MAST2: variants seen among roughly 807,000 people sequenced by gnomAD.
The protein encoded by MAST2 is microtubule-associated serine/threonine-protein kinase 2.
In MAST2, 70 loss-of-function variants were observed where a neutral mutation model predicts 147.4. The ratio of observed to expected loss-of-function variants is 0.47; its 90% CI spans 0.39 to 0.58. MAST2 has a LOEUF of 0.58. Ranked by LOEUF, MAST2 falls within the 20% of genes least tolerant of loss-of-function variation. The pLI is 0.00. For missense variants in MAST2, 2,080 were observed against 2,302.3 expected (o/e 0.90, Z 1.98); for synonymous variants, 869 against 896.8 (o/e 0.97, Z 0.55).
chr1:45,962,197 C>T (rs927416024), intron 5 of MAST2, among the ~76,000 whole-genome samples: 1 of 152,046 alleles, frequency 6.6e-6, no homozygotes, highest in African/African-American at 2.4e-5. Flanking sequence ...TGGTTCCAAG[C>T]CTTTGCTATT....
At chr1:45,818,934 G>A (rs551200385) in intron 1 of MAST2, among the ~76,000 whole-genome samples, 17 of 152,256 alleles carry the variant, frequency 1.1e-4, no homozygotes, top group African/African-American at 3.1e-4. Flanking sequence ...TTAAAATGAT[G>A]TATAATATAA....
intron 5 of MAST2, among the ~76,000 whole-genome samples, chr1:45,976,550 T>C (rs1212365784): frequency 6.6e-6 from 1 of 152,230 alleles, no homozygotes; most frequent in African/African-American, 2.4e-5. Flanking sequence ...AATCACATTG[T>C]TCTAGTGGTG....
intron 3 of MAST2, chr1:45,865,220 T>G: frequency 2.4e-6 from 1 of 417,694 alleles, no homozygotes; most frequent in Admixed American, 2.8e-5. Context: ...TGTTATAATG[T>G]ATTTAATTCA....
At position 46,035,731 on chromosome 1, in the gene MAST2, A is replaced by G; in HGVS notation, c.5062A>G (p.Asn1688Asp). ...GCTAGCCAACCTCCAGGATTTGGAAAACACAACTCCAGCCCAGCCTAAGAA... is the reference window on the plus strand; with the variant it reads ...GCTAGCCAACCTCCAGGATTTGGAAGACACAACTCCAGCCCAGCCTAAGAA... ...GGLANLQDLE[N>D]TTPAQPKNLS... Residue 1688 changes from asparagine to aspartate, a missense_variant, in exon 29 of 29, where the codon AAC becomes GAC. Physicochemically the swap from Asn to Asp is conservative, Grantham distance 23. Transcript: ENST00000361297. This position sits in a 1 kb window ranked among gnomAD's most constrained non-coding sequence, Gnocchi z 5.5. 1 of 1,614,008 alleles carries G rather than the reference A, an allele frequency of 6.2e-7. No individual in the cohort carries two copies. The highest frequency in any genetic ancestry group is 8.5e-7 in the Non-Finnish European group (1 of 1,180,020).
intron 4 of MAST2, among the ~76,000 whole-genome samples, chr1:45,953,899 A>G (rs557914336): frequency 3.9e-5 from 6 of 152,256 alleles, no homozygotes; most frequent in Non-Finnish European, 8.8e-5. Context: ...ACGTAATAAT[A>G]TCTCCCTTTA....
intron 5 of MAST2, among the ~76,000 whole-genome samples, chr1:45,984,461 C>G (rs1005143425): frequency 4.0e-5 from 6 of 151,886 alleles, no homozygotes; most frequent in Non-Finnish European, 7.4e-5. Flanking sequence ...CACCACCACA[C>G]CCAGCTAATA....
chr1:45,985,261 G>T (rs556839261), intron 5 of MAST2, among the ~76,000 whole-genome samples: 5 of 143,354 alleles, frequency 3.5e-5, no homozygotes, highest in South Asian at 2.2e-4. Flanking sequence ...GTGTGTGTGT[G>T]TTTTTTTTTT....
chr1:45,985,294 A>G (rs998034661), intron 5 of MAST2, among the ~76,000 whole-genome samples: 4 of 151,610 alleles, frequency 2.6e-5, no homozygotes, highest in Admixed American at 2.0e-4. Flanking sequence ...AGGTTTCACC[A>G]TGTTGGGCAG....
intron 4 of MAST2, among the ~76,000 whole-genome samples, chr1:45,898,155 A>T (rs1649079228): frequency 6.6e-6 from 1 of 152,080 alleles, no homozygotes; most frequent in African/African-American, 2.4e-5. Flanking sequence ...AAAAGAAAAA[A>T]TTATAGTAGT....
In MAST2 at chr1:45,824,588, T is replaced by C; in HGVS notation, c.325+8T>C. On this transcript the variant is annotated splice_region_variant and intron_variant, in intron 2 of 28. Transcript: ENST00000361297. ...TGGCCAGCTCTCTATCGGGTAAATA[T>C]CTGATTTTGTTGTTTTAAGAAATGT... is the stretch of plus-strand genomic sequence containing the variant. 6.4e-7 allele frequency: 1 copy of C among 1,572,746 alleles called. No homozygotes were observed. The highest frequency in any genetic ancestry group is 8.7e-7 in the Non-Finnish European group (1 of 1,155,556).
intron 4 of MAST2, among the ~76,000 whole-genome samples, chr1:45,894,721 GCC>G (rs987580985): frequency 1.3e-5 from 2 of 152,156 alleles, no homozygotes; most frequent in South Asian, 4.1e-4. Context: ...TCCGAGTTGT[GCC>G]CTTCATTAGT....
chr1:45,853,617 G>A (rs1471574086), intron 3 of MAST2, among the ~76,000 whole-genome samples: 1 of 152,108 alleles, frequency 6.6e-6, no homozygotes, highest in Non-Finnish European at 1.5e-5. Context: ...GCCTCCCAAA[G>A]TGGTGGGATT....
chr1:45,943,138 A>G (rs1439098024), intron 4 of MAST2, among the ~76,000 whole-genome samples: 1 of 152,226 alleles, frequency 6.6e-6, no homozygotes, highest in Non-Finnish European at 1.5e-5. Context: ...ATGCAAGAGA[A>G]TAGAGACATA....
At chr1:45,942,336 G>T (rs1657419965) in intron 4 of MAST2, among the ~76,000 whole-genome samples, 2 of 152,106 alleles carry the variant, frequency 1.3e-5, no homozygotes, top group Admixed American at 1.3e-4. Context: ...ATAAGACAAA[G>T]ACCACTTGTT....
intron 3 of MAST2, among the ~76,000 whole-genome samples, chr1:45,873,219 G>C (rs551136203): frequency 2.0e-5 from 3 of 150,648 alleles, no homozygotes; most frequent in African/African-American, 4.9e-5. Context: ...TTTGAGACAG[G>C]GTCTTGCTCT....
chr1:46,025,888 G>A, intron 16 of MAST2, 73 bp downstream of exon 16: 1 of 1,586,644 alleles, frequency 6.3e-7, no homozygotes, highest in Admixed American at 1.7e-5. Flanking sequence ...GGCAAGCACA[G>A]TAGCTCTAAA....
intron 4 of MAST2, among the ~76,000 whole-genome samples, chr1:45,903,642 A>T (rs1001723507): frequency 3.3e-5 from 5 of 152,112 alleles, no homozygotes; most frequent in Non-Finnish European, 7.3e-5. Flanking sequence ...ATTTTATTCC[A>T]TGAGGTCTGA....
intron 5 of MAST2, among the ~76,000 whole-genome samples, chr1:45,975,097 A>G (rs1346892944): frequency 3.3e-5 from 5 of 152,172 alleles, no homozygotes; most frequent in Admixed American, 3.3e-4. Context: ...TACAAAGGGC[A>G]TGTGAAATCC....
intron 3 of MAST2, among the ~76,000 whole-genome samples, chr1:45,835,532 A>G (rs552827238): frequency 6.6e-6 from 1 of 152,304 alleles, no homozygotes; most frequent in East Asian, 1.9e-4. Context: ...TGAACATTTT[A>G]TCATCAGTTC....
Sources: gnomAD v4.1 joint callset for allele counts (sites outside exome capture counted in the v4.1 genomes callset) on GRCh38, gnomAD v4.1.1 for gene constraint, Gnocchi (gnomAD v3.1) non-coding constraint, MANE v1.5 for transcripts, NCBI Gene and HGNC (gene_info 2026-07-23, HGNC 2026-07-21) for gene names.